Variants in CNN3 observed in about 807,000 individuals in gnomAD.
CNN3 encodes calponin-3.
In CNN3, 11 loss-of-function variants were observed where a neutral mutation model predicts 39.0. That is an observed-to-expected ratio of 0.28 (90% CI 0.18 to 0.47). CNN3 has a LOEUF of 0.47. CNN3 is among the 20% of genes least tolerant of loss of function. CNN3 has a pLI of 0.99. For missense variants in CNN3, 266 were observed against 403.4 expected (o/e 0.66, Z 2.92); for synonymous variants, 101 against 138.3 (o/e 0.73, Z 1.89).
intron 1 of CNN3, among the ~76,000 whole-genome samples, chr1:94,908,979 TAAAA>T (rs58396959): frequency 7.4e-6 from 1 of 134,430 alleles, no homozygotes; most frequent in Non-Finnish European, 1.6e-5. Context: ...CCCGTCTCTT[TAAAA>T]AAAAAAAAAA....
At chr1:94,920,065 C>G (rs1268458333) in intron 1 of CNN3, among the ~76,000 whole-genome samples, 1 of 152,160 alleles carries the variant, frequency 6.6e-6, no homozygotes, top group Non-Finnish European at 1.5e-5. Flanking sequence ...CTATCTGAAA[C>G]CAAGAAAGGA....
rs1426005294 is a variant in CNN3 at position 94,906,644 on chromosome 1, G to C, written c.58-3120C>G. 4.6e-5 allele frequency among the ~76,000 whole-genome samples: 7 copies of C among 152,312 alleles called. No homozygotes were observed. The East Asian group carries it at 1.4e-3, about 29-fold the overall frequency. Reference sequence around the variant, plus strand: ...CTAACTTCTCTCGATCCAAGAGGAAGTCTAAACTGGATGCCTGCACTAGGT... The same window carrying C: ...CTAACTTCTCTCGATCCAAGAGGAACTCTAAACTGGATGCCTGCACTAGGT... On this transcript the variant is annotated intron_variant, in intron 1 of 6. Transcript: ENST00000370206.
At chr1:94,900,843 G>A (rs989768423) in intron 5 of CNN3, among the ~76,000 whole-genome samples, 1 of 150,844 alleles carries the variant, frequency 6.6e-6, no homozygotes, top group Non-Finnish European at 1.5e-5. Context: ...GCTATATCAT[G>A]ATTTGGTACT....
At chr1:94,899,147 G>C (rs1297093063) in intron 6 of CNN3, among the ~76,000 whole-genome samples, 1 of 152,052 alleles carries the variant, frequency 6.6e-6, no homozygotes, top group Non-Finnish European at 1.5e-5. Context: ...CTGCTGGCTA[G>C]GTAGAAAGGC....
intron 1 of CNN3, chr1:94,925,758 C>T (rs1004598212): frequency 2.1e-5 from 21 of 985,318 alleles, no homozygotes; most frequent in African/African-American, 3.5e-5. Context: ...CTTGGGCTCC[C>T]GGGAGGTTAA....
intron 1 of CNN3, among the ~76,000 whole-genome samples, chr1:94,911,473 CAAG>C (rs1383927073): frequency 6.6e-6 from 1 of 152,184 alleles, no homozygotes; most frequent in Non-Finnish European, 1.5e-5. Context: ...GTGAGACTGA[CAAG>C]AAATTAAAGC....
At chr1:94,915,158 A>G (rs191538908) in intron 1 of CNN3, among the ~76,000 whole-genome samples, 2 of 152,332 alleles carry the variant, frequency 1.3e-5, no homozygotes, top group Admixed American at 6.5e-5. Context: ...ATACAAAGGT[A>G]TTTTGTACTT....
intron 1 of CNN3, among the ~76,000 whole-genome samples, chr1:94,911,455 C>A (rs894958120): frequency 6.6e-6 from 1 of 152,180 alleles, no homozygotes; most frequent in African/African-American, 2.4e-5. Flanking sequence ...ACTCAATATA[C>A]AAATATTGTG....
intron 1 of CNN3, among the ~76,000 whole-genome samples, chr1:94,916,747 GTTTC>G (rs1671286442): frequency 6.6e-6 from 1 of 152,146 alleles, no homozygotes; most frequent in African/African-American, 2.4e-5. Flanking sequence ...CATGCACAAA[GTTTC>G]CTCTGCTTCA....
intron 1 of CNN3, among the ~76,000 whole-genome samples, chr1:94,909,536 A>ACACATAT (rs1440655870): frequency 4.6e-5 from 7 of 152,210 alleles, no homozygotes; most frequent in African/African-American, 1.7e-4. Context: ...GCCCACAGGC[A>ACACATAT]CACATATCAC....
chr1:94,910,580 A>T (rs1203162215), intron 1 of CNN3, among the ~76,000 whole-genome samples: 1 of 152,188 alleles, frequency 6.6e-6, no homozygotes, highest in Non-Finnish European at 1.5e-5. Context: ...GTCTCTCCGC[A>T]ATGAATCCTA....
Position 94,926,910 on chromosome 1 carries a change from G to T in CNN3, c.-16C>A. ...AGTGGGTCATGGTGGTTCGGGCGGC[G>T]GGAAGAGACAGCGCTGGGGTCCGGG... is the stretch of plus-strand genomic sequence containing the variant. On this transcript the variant is annotated 5_prime_UTR_variant, in exon 1 of 7. Transcript: ENST00000370206. This position sits in a 1 kb window ranked among gnomAD's most constrained non-coding sequence, Gnocchi z 4.2. The T allele has an allele frequency of 6.2e-7, 1 of 1,606,900 alleles. No homozygotes were observed.
chr1:94,920,976 C>T (rs998238766), intron 1 of CNN3, among the ~76,000 whole-genome samples: 1 of 152,190 alleles, frequency 6.6e-6, no homozygotes, highest in African/African-American at 2.4e-5. Flanking sequence ...AAAATAAGTT[C>T]AGAGTTAAGG....
chr1:94,906,140 G>A (rs1280681905), intron 1 of CNN3, among the ~76,000 whole-genome samples: 1 of 151,932 alleles, frequency 6.6e-6, no homozygotes, highest in African/African-American at 2.4e-5. Context: ...ACACCACCAC[G>A]CCACGCTAAT....
intron 1 of CNN3, among the ~76,000 whole-genome samples, chr1:94,924,718 A>G (rs1260442343): frequency 6.6e-6 from 1 of 152,244 alleles, no homozygotes; most frequent in East Asian, 1.9e-4. Flanking sequence ...CATCGCTTTT[A>G]GAGTTAAAAT....
At chr1:94,908,312 C>T (rs1671068287) in intron 1 of CNN3, among the ~76,000 whole-genome samples, 1 of 152,216 alleles carries the variant, frequency 6.6e-6, no homozygotes, top group Admixed American at 6.5e-5. Flanking sequence ...GACAGCTTCA[C>T]CTGCTCCTCT....
At chr1:94,915,552 C>G (rs1454078580) in intron 1 of CNN3, among the ~76,000 whole-genome samples, 1 of 152,132 alleles carries the variant, frequency 6.6e-6, no homozygotes, top group Non-Finnish European at 1.5e-5. Flanking sequence ...AATAAGTTAC[C>G]CTGAAAGCAT....
rs1671575269 is a variant in CNN3, at chr1:94,926,217, C to T, written c.57+621G>A. Among the ~76,000 whole-genome samples the T allele has an allele frequency of 1.3e-5, 2 of 152,242 alleles. No individual in the cohort carries two copies. Among genetic ancestry groups the T allele is most frequent in the Admixed American group, 6.5e-5 (1 of 15,292 alleles). On this transcript the variant is annotated intron_variant, in intron 1 of 6. Transcript: ENST00000370206. The surrounding 1 kb of genome is among the most constrained non-coding windows in gnomAD (Gnocchi z 4.2). The stretch of plus-strand genomic sequence containing the variant: ...CAGTGGCGCGCTCAGGCTTTGTCTC[C>T]ATTTCCCGCAAAAGCAACAGCAGAA...
At position 94,897,937 on chromosome 1, in the gene CNN3, C is replaced by A. The variant is rs1670765580; in HGVS notation, c.795G>T (p.Arg265=). The A allele has an allele frequency of 6.2e-7, 1 of 1,613,974 alleles. No homozygotes were observed. The highest frequency in any genetic ancestry group is 8.5e-7 in the Non-Finnish European group (1 of 1,180,000). The part of the protein sequence containing the change: ...QKGMSVYGLG[R]QVYDPKYCAA... ...CACAGTATTTGGGATCATATACTTG[C>A]CGCCCAAGCCCATACACACTCATTC... The change falls in exon 7 of 7, where the codon CGG becomes CGT. Residue 265 remains arginine, a synonymous_variant. Coordinates refer to ENST00000370206, the MANE Select transcript of CNN3 (RefSeq NM_001839.5).
Sources: gnomAD v4.1 joint callset for allele counts (sites outside exome capture counted in the v4.1 genomes callset) on GRCh38, gnomAD v4.1.1 for gene constraint, Gnocchi (gnomAD v3.1) non-coding constraint, MANE v1.5 for transcripts, NCBI Gene and HGNC (gene_info 2026-07-23, HGNC 2026-07-21) for gene names.